L3MBTL4: variants seen among roughly 807,000 people sequenced by gnomAD.
L3MBTL4 encodes the protein L3MBTL histone methyl-lysine binding protein 4, also known as lethal(3)malignant brain tumor-like protein 4.
Under a neutral mutation model 84.5 loss-of-function variants are expected in L3MBTL4, and 70 were observed. The observed-to-expected ratio is 0.83, with a 90% CI of 0.68 to 1.01. The LOEUF is 1.01. Ranked by LOEUF, L3MBTL4 falls within the 50% of genes least tolerant of loss-of-function variation. L3MBTL4 has a pLI of 0.00. For missense variants in L3MBTL4, 715 were observed against 754.8 expected, an observed-to-expected ratio of 0.95 and a Z score of 0.62; for synonymous variants, 274 against 259.8, an observed-to-expected ratio of 1.05 and a Z score of -0.52.
At chr18:6,003,101 ATT>A (rs2054298715) in intron 16 of L3MBTL4, among the ~76,000 whole-genome samples, 1 of 103,850 alleles carries the variant, frequency 9.6e-6, no homozygotes, top group Non-Finnish European at 1.9e-5. Flanking sequence ...TAGTATCTCT[ATT>A]TATAGAGATA....
At chr18:6,028,017 T>C (rs1266207183) in intron 16 of L3MBTL4, among the ~76,000 whole-genome samples, 1 of 152,182 alleles carries the variant, frequency 6.6e-6, no homozygotes, top group Non-Finnish European at 1.5e-5. Context: ...ATTTCTTGCA[T>C]TGTGCAGAAG....
chr18:6,212,974 C>A (rs2046171262), intron 12 of L3MBTL4, among the ~76,000 whole-genome samples, 175 bp downstream of exon 12: 1 of 152,140 alleles, frequency 6.6e-6, no homozygotes, highest in South Asian at 2.1e-4. Context: ...ATCCTCTAGT[C>A]CCATCTTGGC....
intron 1 of L3MBTL4, among the ~76,000 whole-genome samples, chr18:6,357,686 AC>A (rs1322638352): frequency 1.3e-5 from 2 of 152,200 alleles, no homozygotes; most frequent in Admixed American, 6.5e-5. Context: ...TTGAAAAAAA[AC>A]AATATCATTT....
At chr18:6,126,583 A>G (rs1387153024) in intron 14 of L3MBTL4, among the ~76,000 whole-genome samples, 1 of 152,208 alleles carries the variant, frequency 6.6e-6, no homozygotes, top group East Asian at 1.9e-4. Flanking sequence ...AATCAGTGCC[A>G]TAGTTGCTAC....
chr18:6,352,817 A>C (rs866437586), intron 1 of L3MBTL4, among the ~76,000 whole-genome samples: 3 of 152,216 alleles, frequency 2.0e-5, no homozygotes, highest in Non-Finnish European at 4.4e-5. Context: ...TCAAAAGTGG[A>C]AGAAACTGAA....
chr18:6,412,215 C>T (rs1314435052), intron 1 of L3MBTL4, among the ~76,000 whole-genome samples: 1 of 152,218 alleles, frequency 6.6e-6, no homozygotes, highest in East Asian at 1.9e-4. Context: ...TTTGTTCCCA[C>T]TTGTAAGTGA....
At chr18:6,059,890 A>AT (rs1359130391) in intron 16 of L3MBTL4, among the ~76,000 whole-genome samples, 12 of 152,158 alleles carry the variant, frequency 7.9e-5, no homozygotes, top group African/African-American at 2.7e-4. Flanking sequence ...TCTAGTATTT[A>AT]TTTTTTCTAA....
At chr18:6,403,796 T>C (rs1313637980) in intron 1 of L3MBTL4, among the ~76,000 whole-genome samples, 3 of 152,302 alleles carry the variant, frequency 2.0e-5, no homozygotes, top group Non-Finnish European at 2.9e-5. Flanking sequence ...CACATGCACA[T>C]GCATGTTTAC....
chr18:6,361,021 A>T (rs1269776415), intron 1 of L3MBTL4, among the ~76,000 whole-genome samples: 2 of 94,984 alleles, frequency 2.1e-5, no homozygotes, highest in East Asian at 4.3e-4. Flanking sequence ...CTACCTGATT[A>T]AAAAAAAAAA....
intron 13 of L3MBTL4, among the ~76,000 whole-genome samples, chr18:6,157,541 T>C (rs1293421915): frequency 6.6e-6 from 1 of 152,204 alleles, no homozygotes; most frequent in Non-Finnish European, 1.5e-5. Flanking sequence ...GGATAAACAA[T>C]GTACCAGCCA....
chr18:6,184,246 C>T (rs913744340), intron 12 of L3MBTL4, among the ~76,000 whole-genome samples: 1 of 152,092 alleles, frequency 6.6e-6, no homozygotes, highest in African/African-American at 2.4e-5. Context: ...TGTTCACTTC[C>T]GATCATTTAG....
intron 1 of L3MBTL4, chr18:6,326,666 C>G (rs536648030): frequency 1.3e-5 from 2 of 152,420 alleles, no homozygotes; most frequent in South Asian, 4.1e-4. Context: ...CTGCTTCCCA[C>G]TCTGGGCTAT....
intron 10 of L3MBTL4, among the ~76,000 whole-genome samples, chr18:6,226,183 G>T (rs1488135334): frequency 1.3e-5 from 2 of 152,160 alleles, no homozygotes; most frequent in Non-Finnish European, 2.9e-5. Flanking sequence ...GAGGCAGGTG[G>T]ATTACTTGAC....
chr18:6,163,668 T>A (rs1394461780), intron 13 of L3MBTL4, among the ~76,000 whole-genome samples: 1 of 152,132 alleles, frequency 6.6e-6, no homozygotes, highest in African/African-American at 2.4e-5. Flanking sequence ...CACATGGAAC[T>A]CAAACTTCTT....
At chr18:6,284,819 G>A (rs967940825) in intron 4 of L3MBTL4, among the ~76,000 whole-genome samples, 7 of 152,202 alleles carry the variant, frequency 4.6e-5, no homozygotes, top group African/African-American at 1.7e-4. Flanking sequence ...CCTTGGCCTC[G>A]AGCCCGCTGG....
At chr18:6,090,591 TATACACACAC>T (rs1191663626) in intron 15 of L3MBTL4, among the ~76,000 whole-genome samples, 3 of 128,342 alleles carry the variant, frequency 2.3e-5, no homozygotes, top group Non-Finnish European at 4.7e-5. Flanking sequence ...ATATTATATA[TATACACACAC>T]ACACACACAC....
At chr18:6,297,418 T>C (rs2050151652) in intron 4 of L3MBTL4, among the ~76,000 whole-genome samples, 1 of 152,224 alleles carries the variant, frequency 6.6e-6, no homozygotes, top group Non-Finnish European at 1.5e-5. Context: ...TCAATGTTAC[T>C]TAGTTCTGAC....
chr18:6,191,323 A>G (rs769072932), intron 12 of L3MBTL4, among the ~76,000 whole-genome samples: 10 of 152,080 alleles, frequency 6.6e-5, no homozygotes, highest in Non-Finnish European at 1.2e-4. Context: ...TTCTGTACAC[A>G]TCTCAAAGCT....
intron 16 of L3MBTL4, among the ~76,000 whole-genome samples, chr18:6,028,194 T>C (rs964655675): frequency 2.0e-5 from 3 of 152,234 alleles, no homozygotes; most frequent in African/African-American, 7.2e-5. Flanking sequence ...TCTTAATTAA[T>C]CCATCTTGAG....
Sources: gnomAD v4.1 joint callset for allele counts (sites outside exome capture counted in the v4.1 genomes callset) on GRCh38, gnomAD v4.1.1 for gene constraint, MANE v1.5 for transcripts, NCBI Gene and HGNC (gene_info 2026-07-23, HGNC 2026-07-21) for gene names.